The following RNF217 variants were observed in gnomAD, a reference collection of about 807,000 sequenced individuals.
RNF217 encodes E3 ubiquitin-protein ligase RNF217.
Under a neutral mutation model 57.8 loss-of-function variants are expected in RNF217, and 31 were observed. The observed-to-expected ratio is 0.54, with a 90% CI of 0.40 to 0.72. The LOEUF is 0.72. Among genes scored for constraint, RNF217 ranks in the 30% least tolerant of loss-of-function variants. The pLI is 0.00. For synonymous variants in RNF217, 313 were observed against 294.0 expected (o/e 1.06, Z -0.66); for missense variants, 696 against 708.3 (o/e 0.98, Z 0.20).
chr6:125,071,744 A>C (rs962770442), intron 3 of RNF217, among the ~76,000 whole-genome samples: 1 of 152,160 alleles, frequency 6.6e-6, no homozygotes, highest in African/African-American at 2.4e-5. Context: ...AATTCCTTAA[A>C]TGTCAGTCAT....
chr6:125,044,261 A>G (rs1787004218), intron 1 of RNF217, among the ~76,000 whole-genome samples: 2 of 152,038 alleles, frequency 1.3e-5, no homozygotes, highest in Admixed American at 6.6e-5. Context: ...GCCTCCCTGT[A>G]CTACATTAGG....
intron 1 of RNF217, among the ~76,000 whole-genome samples, chr6:124,973,795 C>T (rs966957610): frequency 6.6e-6 from 1 of 152,142 alleles, no homozygotes; most frequent in Non-Finnish European, 1.5e-5. Flanking sequence ...TCCTGTTTAA[C>T]AGATTCTTCC....
chr6:125,047,830 G>A (rs947202452), intron 2 of RNF217, among the ~76,000 whole-genome samples: 5 of 152,094 alleles, frequency 3.3e-5, no homozygotes, highest in African/African-American at 1.2e-4. Context: ...TCAGCGGTGG[G>A]TGTGGGGTGG....
intron 1 of RNF217, among the ~76,000 whole-genome samples, chr6:125,007,055 G>A (rs1274677630): frequency 6.6e-6 from 1 of 152,190 alleles, no homozygotes; most frequent in Non-Finnish European, 1.5e-5. Context: ...TAAAGTTCTA[G>A]ACAATTAATT....
chr6:124,962,458 G>T lies in RNF217; in HGVS notation c.-87G>T. ...AAGCAGAAGCGGAGCCGCGAGTCGA[G>T]CCGAGCCACTGCCCCCGCTGCCCGC... On this transcript the variant is annotated 5_prime_UTR_variant, in exon 1 of 6. Coordinates refer to ENST00000521654, the MANE Select transcript of RNF217 (RefSeq NM_001286398.3). This position sits in a 1 kb window ranked among gnomAD's most constrained non-coding sequence, Gnocchi z 4.6. 2.0e-6 allele frequency: 1 copy of T among 511,744 alleles called. No individual in the cohort carries two copies. Among genetic ancestry groups the T allele is most frequent in the Non-Finnish European group, 2.7e-6 (1 of 369,994 alleles). The allele number at this position is 511,744 out of a possible 1,614,324, so 31.7% of individuals were successfully genotyped here.
intron 1 of RNF217, chr6:125,008,707 T>TGTATCTATCTG (rs1199140472): frequency 2.0e-5 from 3 of 151,910 alleles, no homozygotes; most frequent in Non-Finnish European, 4.4e-5. Flanking sequence ...AGCCCCAGCT[T>TGTATCTATCTG]GTATCTATCT....
At chr6:124,970,671 A>T (rs1437252156) in intron 1 of RNF217, among the ~76,000 whole-genome samples, 2 of 152,206 alleles carry the variant, frequency 1.3e-5, no homozygotes, top group Admixed American at 1.3e-4. Flanking sequence ...ATTAGACTGG[A>T]TGAAGTCACC....
At chr6:125,078,176 G>A (rs1454244194) in intron 4 of RNF217, among the ~76,000 whole-genome samples, 2 of 152,142 alleles carry the variant, frequency 1.3e-5, no homozygotes, top group Non-Finnish European at 2.9e-5. Flanking sequence ...TAACCAATAT[G>A]TATGTATTAG....
At chr6:125,017,654 C>A (rs138119645) in intron 1 of RNF217, among the ~76,000 whole-genome samples, 1 of 152,202 alleles carries the variant, frequency 6.6e-6, no homozygotes, top group Non-Finnish European at 1.5e-5. Flanking sequence ...AGTCTTATAA[C>A]CCTATCATTA....
In RNF217 at chr6:125,020,896, G is replaced by A. The variant is rs1348466414; in HGVS notation, c.883-24315G>A. ...GCCATTTTTCCTTATCAAATTAAAG[G>A]CAAAAGTTTTGGAGGGTTTTTGTAT... On this transcript the variant is annotated intron_variant, in intron 1 of 5. Coordinates refer to ENST00000521654, the MANE Select transcript of RNF217 (RefSeq NM_001286398.3). Among the ~76,000 whole-genome samples the A allele has an allele frequency of 2.6e-5, 4 of 152,116 alleles. No individual in the cohort carries two copies. The East Asian group carries it at 7.7e-4, about 29-fold the overall frequency.
intron 3 of RNF217, among the ~76,000 whole-genome samples, chr6:125,058,918 T>C (rs1163664162): frequency 6.6e-6 from 1 of 152,200 alleles, no homozygotes; most frequent in Non-Finnish European, 1.5e-5. Flanking sequence ...TTGGAAATAA[T>C]CTCTAAATTG....
At chr6:125,039,861 C>T (rs2224643) in intron 1 of RNF217, among the ~76,000 whole-genome samples, 47,410 of 151,956 alleles carry the variant, frequency 0.31, 9,340 homozygotes, top group South Asian at 0.54. Context: ...GGGTAAATAA[C>T]GAAATTAAGG....
chr6:125,081,405 T>A (rs760482355), intron 4 of RNF217, 31 bp from the exon 5 acceptor site: 8 of 1,557,010 alleles, frequency 5.1e-6, no homozygotes, highest in Non-Finnish European at 7.1e-6. Flanking sequence ...GTTTTAAGAC[T>A]CCTTAAATAA....
At chr6:125,067,079 G>A (rs767057765) in intron 3 of RNF217, among the ~76,000 whole-genome samples, 2 of 152,134 alleles carry the variant, frequency 1.3e-5, no homozygotes, top group Non-Finnish European at 2.9e-5. Flanking sequence ...AGGATTGTTG[G>A]GTGGATTATG....
chr6:125,088,461 A>G lies in RNF217; in HGVS notation c.*5524A>G, dbSNP rs890188671. The G allele has an allele frequency of 1.3e-5, 2 of 152,186 alleles. No individual in the cohort carries two copies. The highest frequency in any genetic ancestry group is 2.9e-5 in the Non-Finnish European group (2 of 68,026). The allele number at this position is 152,186 out of a possible 1,614,324, so 9.4% of individuals were successfully genotyped here. A position where few individuals can be genotyped will look rare whatever the true frequency, so the allele number is the denominator to read the frequency against. On this transcript the variant is annotated 3_prime_UTR_variant, in exon 6 of 6. Transcript: ENST00000521654. ...GCTGTAACTTTGGTTGACTTCATCC[A>G]AATCCAAGAAACAGAGTCACAGTAG...
At position 124,963,090 on chromosome 6, in the gene RNF217, C is replaced by G; in HGVS notation, c.546C>G (p.Leu182=). The change falls in exon 1 of 6, where the codon CTC becomes CTG. Residue 182 remains leucine, a synonymous_variant. Coordinates refer to ENST00000521654, the MANE Select transcript of RNF217 (RefSeq NM_001286398.3). ...CCGAGGCCCCCGCCTCGGAGCAGCTCTCGCCGCCCGCGTCGCCACCTGGGG... is the reference window on the plus strand; with the variant it reads ...CCGAGGCCCCCGCCTCGGAGCAGCTGTCGCCGCCCGCGTCGCCACCTGGGG... The part of the protein sequence containing the change: ...DLPEAPASEQ[L]SPPASPPGAP... The G allele has an allele frequency of 6.5e-7, 1 of 1,546,476 alleles. No individual in the cohort carries two copies.
In RNF217 at chr6:125,046,078, G is replaced by A. The variant is rs1003235494; in HGVS notation, c.1116+634G>A. The stretch of plus-strand genomic sequence containing the variant: ...GGAGGGTTAGGCTCTAGGATGTCAG[G>A]AATGGCTTCACAGAGGAGGTGCAGT... On this transcript the variant is annotated intron_variant, in intron 2 of 5. Transcript: ENST00000521654. 1.9e-4 allele frequency among the ~76,000 whole-genome samples: 29 copies of A among 152,060 alleles called. 1 individual carries two copies. The highest frequency in any genetic ancestry group is 4.4e-5 in the Non-Finnish European group (3 of 67,996).
intron 1 of RNF217, among the ~76,000 whole-genome samples, chr6:125,044,648 T>C (rs1787025793): frequency 6.6e-6 from 1 of 152,134 alleles, no homozygotes; most frequent in South Asian, 2.1e-4. Context: ...ACTACTTACT[T>C]TATGTTCTTA....
intron 3 of RNF217, among the ~76,000 whole-genome samples, chr6:125,072,688 C>T (rs2114631348): frequency 6.6e-6 from 1 of 152,178 alleles, no homozygotes; most frequent in Admixed American, 6.5e-5. Flanking sequence ...AAAGTGATGC[C>T]ATTTGAAGGA....
Sources: allele counts gnomAD v4.1 joint callset (sites outside exome capture counted in the v4.1 genomes callset), GRCh38; gene constraint gnomAD v4.1.1; non-coding constraint Gnocchi (gnomAD v3.1); transcripts MANE v1.5; gene names NCBI Gene and HGNC (gene_info 2026-07-23, HGNC 2026-07-21).